Variants in RPS6KC1 observed in about 807,000 individuals in gnomAD.
RPS6KC1 encodes ribosomal protein S6 kinase C1.
Under a neutral mutation model 103.8 loss-of-function variants are expected in RPS6KC1, and 54 were observed. The observed-to-expected ratio is 0.52, with a 90% CI of 0.42 to 0.65. The LOEUF is 0.65. Among genes scored for constraint, RPS6KC1 ranks in the 30% least tolerant of loss-of-function variants. The pLI, the probability that RPS6KC1 is intolerant of heterozygous loss-of-function variation, is 0.00. For missense variants in RPS6KC1, 1,151 were observed against 1,253.8 expected, an observed-to-expected ratio of 0.92 and a Z score of 1.24; for synonymous variants, 439 against 438.7, an observed-to-expected ratio of 1.00 and a Z score of -0.01.
At chr1:213,094,131 GT>G (rs1179133344) in intron 3 of RPS6KC1, among the ~76,000 whole-genome samples, 4 of 147,988 alleles carry the variant, frequency 2.7e-5, no homozygotes, top group Non-Finnish European at 4.4e-5. Flanking sequence ...ATATATATAC[GT>G]TTTTTTCCAA....
At chr1:213,166,146 A>C (rs1233997580) in intron 6 of RPS6KC1, among the ~76,000 whole-genome samples, 2 of 152,012 alleles carry the variant, frequency 1.3e-5, no homozygotes, top group African/African-American at 2.4e-5. Context: ...TACGAAGCAA[A>C]TTTTGAAACT....
chr1:213,543,512 G>A, the RPS6KC1 span, among the ~76,000 whole-genome samples: 1 of 152,190 alleles, frequency 6.6e-6, no homozygotes, highest in African/African-American at 2.4e-5. Context: ...TTCAGATTGA[G>A]GTGATGGCTA....
chr1:213,137,797 A>C (rs866071382), intron 6 of RPS6KC1, among the ~76,000 whole-genome samples: 3 of 33,038 alleles, frequency 9.1e-5, no homozygotes, highest in Non-Finnish European at 1.3e-4. Context: ...ATATATATAT[A>C]TATTTTTTTT....
At chr1:213,726,886 T>C in the RPS6KC1 span, among the ~76,000 whole-genome samples, 1 of 152,262 alleles carries the variant, frequency 6.6e-6, no homozygotes, top group Non-Finnish European at 1.5e-5. Context: ...GATGATGTGC[T>C]GCAAATAAAC....
chr1:213,166,701 G>T (rs2090995453), intron 6 of RPS6KC1, among the ~76,000 whole-genome samples: 1 of 152,146 alleles, frequency 6.6e-6, no homozygotes, highest in South Asian at 2.1e-4. Flanking sequence ...GGTGTGAAAT[G>T]AAAGTTATTT....
chr1:213,353,747 G>A, the RPS6KC1 span, among the ~76,000 whole-genome samples: 1 of 152,190 alleles, frequency 6.6e-6, no homozygotes, highest in South Asian at 2.1e-4. Flanking sequence ...TTTCCATCTT[G>A]TTGGGAAGAT....
At chr1:213,410,846 A>G in the RPS6KC1 span, among the ~76,000 whole-genome samples, 2 of 152,078 alleles carry the variant, frequency 1.3e-5, no homozygotes, top group African/African-American at 4.8e-5. Context: ...AAAAAGGGAA[A>G]TTGAGGAAAA....
the RPS6KC1 span, among the ~76,000 whole-genome samples, chr1:213,625,314 A>G: frequency 6.6e-6 from 1 of 152,196 alleles, no homozygotes; most frequent in Non-Finnish European, 1.5e-5. Flanking sequence ...ACTTTGTACT[A>G]TATTTTTATA....
intron 6 of RPS6KC1, among the ~76,000 whole-genome samples, chr1:213,144,481 G>A (rs1205688684): frequency 6.6e-6 from 1 of 151,862 alleles, no homozygotes; most frequent in Non-Finnish European, 1.5e-5. Flanking sequence ...TTGAACTCCC[G>A]TCCTCAAGAA....
rs543414514 is a variant in RPS6KC1, at chr1:213,076,692, A to G, written c.142-1004A>G. ...AATGAAGGAAAACACACTTTTTTAC[A>G]TGTCGTCTAATCTAGATGATATTTT... is the stretch of plus-strand genomic sequence containing the variant. On this transcript the variant is annotated intron_variant, in intron 2 of 14. Coordinates refer to ENST00000366960, the MANE Select transcript of RPS6KC1 (RefSeq NM_012424.6). Among the ~76,000 whole-genome samples the G allele has an allele frequency of 7.2e-5, 11 of 152,060 alleles. 1 individual carries two copies. The South Asian group carries it at 2.3e-3, about 32-fold the overall frequency.
the RPS6KC1 span, among the ~76,000 whole-genome samples, chr1:213,831,554 T>A: frequency 7.2e-5 from 11 of 152,232 alleles, no homozygotes; most frequent in Non-Finnish European, 7.3e-5. Context: ...TATATTGTTT[T>A]AAGCCACTAC....
chr1:213,173,859 A>C (rs530395860), intron 7 of RPS6KC1, among the ~76,000 whole-genome samples: 56 of 152,224 alleles, frequency 3.7e-4, no homozygotes, highest in Non-Finnish European at 6.0e-4. Flanking sequence ...TGAAAGATGC[A>C]ATAGAGATTT....
the RPS6KC1 span, among the ~76,000 whole-genome samples, chr1:213,789,791 C>A: frequency 6.6e-6 from 1 of 152,146 alleles, no homozygotes; most frequent in South Asian, 2.1e-4. Context: ...AACATTGTCA[C>A]GAATTTGCCT....
At chr1:213,570,249 T>C in the RPS6KC1 span, among the ~76,000 whole-genome samples, 1 of 152,168 alleles carries the variant, frequency 6.6e-6, no homozygotes, top group Non-Finnish European at 1.5e-5. Flanking sequence ...GGGATACTCA[T>C]AGTATTTATC....
At chr1:213,566,366 G>T in the RPS6KC1 span, among the ~76,000 whole-genome samples, 1 of 143,972 alleles carries the variant, frequency 6.9e-6, no homozygotes, top group African/African-American at 2.5e-5. Context: ...CATGTATTTA[G>T]GTTGACTTTT....
the RPS6KC1 span, among the ~76,000 whole-genome samples, chr1:213,337,828 G>C: frequency 6.6e-6 from 1 of 152,156 alleles, no homozygotes; most frequent in Non-Finnish European, 1.5e-5. Context: ...CTCGTGCAGC[G>C]TATCATGCTG....
At chr1:213,417,307 T>A in the RPS6KC1 span, among the ~76,000 whole-genome samples, 2 of 152,142 alleles carry the variant, frequency 1.3e-5, no homozygotes, top group Non-Finnish European at 2.9e-5. Flanking sequence ...ACTAGATTGG[T>A]TCTCTCTCAC....
chr1:213,127,166 G>A (rs1317306775), intron 5 of RPS6KC1, among the ~76,000 whole-genome samples: 1 of 152,074 alleles, frequency 6.6e-6, no homozygotes, highest in Admixed American at 6.6e-5. Context: ...TATTTTCAGG[G>A]AGTTCATAAA....
the RPS6KC1 span, among the ~76,000 whole-genome samples, chr1:213,723,676 G>A: frequency 2.0e-5 from 3 of 152,092 alleles, no homozygotes; most frequent in Non-Finnish European, 4.4e-5. Flanking sequence ...GTCCATAAAA[G>A]TGACTTTGGG....
Sources: allele counts gnomAD v4.1 joint callset (sites outside exome capture counted in the v4.1 genomes callset), GRCh38; gene constraint gnomAD v4.1.1; transcripts MANE v1.5; gene names NCBI Gene and HGNC (gene_info 2026-07-23, HGNC 2026-07-21).